The following ZNF469 variants were observed in gnomAD, a reference collection of about 807,000 sequenced individuals.
The protein encoded by ZNF469 is zinc finger protein 469.
A neutral mutation model predicts 1.0 loss-of-function variants in ZNF469; 1 was observed. That is an observed-to-expected ratio of 1.00 (90% CI 0.35 to 4.73). The LOEUF (loss-of-function observed/expected upper bound fraction) is 4.73, where lower values mean the gene tolerates loss of function less well. Among genes scored for constraint, ZNF469 ranks in the 30% most tolerant of loss-of-function variants. The probability of loss-of-function intolerance (pLI) is 0.16; values close to 1 mark genes in which losing one functional copy is unlikely to be tolerated. For synonymous variants in ZNF469, 2,703 were observed against 2,363.4 expected, an observed-to-expected ratio of 1.14 and a Z score of -4.17; for missense variants, 6,100 against 5,356.3, an observed-to-expected ratio of 1.14 and a Z score of -4.33.
chr16:88,236,313 G>A, the ZNF469 span, among the ~76,000 whole-genome samples: 19 of 152,240 alleles, frequency 1.2e-4, no homozygotes, highest in Non-Finnish European at 8.8e-5. Flanking sequence ...TCCAGGACCT[G>A]CTCCCTGTCA....
At chr16:88,417,974 T>TGGG (rs1905349689) in intron 1 of ZNF469, among the ~76,000 whole-genome samples, 2 of 152,184 alleles carry the variant, frequency 1.3e-5, no homozygotes, top group South Asian at 4.1e-4. Flanking sequence ...ACGTGTGTGC[T>TGGG]CACAGGGAAG....
At chr16:88,227,887 C>T in the ZNF469 span, among the ~76,000 whole-genome samples, 5 of 152,054 alleles carry the variant, frequency 3.3e-5, no homozygotes, top group East Asian at 5.8e-4. Flanking sequence ...CGCCAGGCTC[C>T]GCCTCCATTA....
At chr16:88,277,268 G>A in the ZNF469 span, among the ~76,000 whole-genome samples, 5 of 147,244 alleles carry the variant, frequency 3.4e-5, no homozygotes, top group Non-Finnish European at 7.5e-5. Context: ...TCAGTGCATG[G>A]TTAGTGCTGC....
rs938280286 is a variant in ZNF469 at position 88,433,534 on chromosome 16, C to T, written c.6064C>T (p.Pro2022Ser). ...CAACCACGCCTCAGTCAATGCCAGT[C>T]CCAAAACAGCGCTGACCGGCCCCAC... ...TDNHASVNAS[P>S]KTALTGPTEG... Residue 2022 changes from proline to serine, a missense_variant, in exon 3 of 3, where the codon CCC becomes TCC. Transcript: ENST00000565624. 3 of 1,550,046 alleles carry T rather than the reference C, an allele frequency of 1.9e-6. No homozygotes were observed. The highest frequency in any genetic ancestry group is 2.7e-5 in the African/African-American group (2 of 73,012).
chr16:88,150,653 C>T, the ZNF469 span, among the ~76,000 whole-genome samples: 1 of 151,030 alleles, frequency 6.6e-6, no homozygotes, highest in Non-Finnish European at 1.5e-5. Context: ...CGGTGAAAAT[C>T]CTGCCGGCCT....
chr16:88,435,518 G>C lies in ZNF469; in HGVS notation c.8048G>C (p.Gly2683Ala), dbSNP rs912981227. ...ASPSHCLSVE[G>A]GPEADGEQPP... ...CCGAGCCACTGCCTCTCTGTGGAAG[G>C]AGGGCCTGAGGCTGACGGGGAGCAG... is the stretch of plus-strand genomic sequence containing the variant. Residue 2683 changes from glycine to alanine, a missense_variant, in exon 3 of 3, where the codon GGA (glycine) becomes GCA (alanine). Transcript: ENST00000565624. 3 of 1,549,334 alleles carry C rather than the reference G, an allele frequency of 1.9e-6. No individual in the cohort carries two copies. The highest frequency in any genetic ancestry group is 2.7e-5 in the African/African-American group (2 of 73,064).
At chr16:88,207,656 C>A in the ZNF469 span, among the ~76,000 whole-genome samples, 2 of 151,098 alleles carry the variant, frequency 1.3e-5, no homozygotes, top group Non-Finnish European at 3.0e-5. Flanking sequence ...GTCGACGGGG[C>A]CGCCCTGCAC....
At chr16:88,347,801 C>T in the ZNF469 span, among the ~76,000 whole-genome samples, 3 of 152,346 alleles carry the variant, frequency 2.0e-5, no homozygotes, top group South Asian at 6.2e-4. Context: ...ACGCCCAGCA[C>T]CCACCCGCCT....
At chr16:88,195,595 T>C in the ZNF469 span, among the ~76,000 whole-genome samples, 235 of 152,302 alleles carry the variant, frequency 1.5e-3, 1 homozygote, top group African/African-American at 5.4e-3. Flanking sequence ...TGAGAGTCTC[T>C]CTGTCATATC....
At position 88,434,030 on chromosome 16, in the gene ZNF469, C is replaced by G. The variant is rs945955812; in HGVS notation, c.6560C>G (p.Thr2187Ser). ...GATGGCGTCCAAGCCACGACAGATA[C>G]TGGGGCTGAGGATTCCCCGGTGGCT... ...EADGVQATTD[T>S]GAEDSPVAPP... The change falls in exon 3 of 3, where the codon ACT (threonine) becomes AGT (serine). Residue 2187 changes from threonine (T) to serine (S), a missense_variant. By Grantham distance (58) the Thr-to-Ser change is moderately conservative (BLOSUM62 1). Coordinates refer to ENST00000565624, the MANE Select transcript of ZNF469 (RefSeq NM_001367624.2). 1.9e-6 allele frequency: 3 copies of G among 1,550,300 alleles called. No individual in the cohort carries two copies. Among genetic ancestry groups the G allele is most frequent in the Non-Finnish European group, 2.6e-6 (3 of 1,146,884 alleles).
Position 88,438,403 on chromosome 16 carries a change from C to G in ZNF469, c.10933C>G (p.Gln3645Glu). 2 of 1,550,138 alleles carry G rather than the reference C, an allele frequency of 1.3e-6. No individual in the cohort carries two copies. The highest frequency in any genetic ancestry group is 1.7e-6 in the Non-Finnish European group (2 of 1,146,960). Residue 3645 changes from glutamine (Q) to glutamate (E), a missense_variant, in exon 3 of 3, where the codon CAG becomes GAG. Physicochemically the swap from Gln to Glu is conservative, Grantham distance 29 (BLOSUM62 2). Coordinates refer to ENST00000565624, the MANE Select transcript of ZNF469 (RefSeq NM_001367624.2). ...PDHFQEDHLL[Q>E]KEKEVSSSHM... The stretch of plus-strand genomic sequence containing the variant: ...CCATTTCCAGGAAGACCACCTACTT[C>G]AGAAAGAGAAGGAGGTGTCCTCAAG...
At chr16:88,121,122 G>A in the ZNF469 span, among the ~76,000 whole-genome samples, 4 of 146,514 alleles carry the variant, frequency 2.7e-5, no homozygotes, top group Non-Finnish European at 4.6e-5. Flanking sequence ...ATGGGGGGTC[G>A]GGAGGGGGGC....
the ZNF469 span, among the ~76,000 whole-genome samples, chr16:88,175,272 A>G: frequency 6.6e-6 from 1 of 152,244 alleles, no homozygotes; most frequent in Non-Finnish European, 1.5e-5. Context: ...GAAAGTCATC[A>G]GAGCCCTCTC....
chr16:88,327,957 G>A, the ZNF469 span, among the ~76,000 whole-genome samples: 36 of 152,240 alleles, frequency 2.4e-4, no homozygotes, highest in African/African-American at 8.7e-4. Flanking sequence ...CATCACGGCT[G>A]CACACCCACC....
At chr16:88,182,426 A>G in the ZNF469 span, among the ~76,000 whole-genome samples, 2 of 152,098 alleles carry the variant, frequency 1.3e-5, no homozygotes, top group Non-Finnish European at 2.9e-5. Context: ...AACTCACACA[A>G]CTTTGAAAGA....
the ZNF469 span, among the ~76,000 whole-genome samples, chr16:88,363,131 C>A: frequency 1.3e-5 from 2 of 152,138 alleles, no homozygotes; most frequent in African/African-American, 4.8e-5. Context: ...CCTTTACAAC[C>A]TTGAGCCTAG....
At chr16:88,339,203 A>G in the ZNF469 span, among the ~76,000 whole-genome samples, 1 of 97,738 alleles carries the variant, frequency 1.0e-5, no homozygotes, top group Non-Finnish European at 2.0e-5. Flanking sequence ...ATGTGGGGAC[A>G]GGATGGCAGG....
the ZNF469 span, among the ~76,000 whole-genome samples, chr16:88,130,447 C>G: frequency 1.3e-5 from 2 of 152,184 alleles, no homozygotes; most frequent in East Asian, 3.9e-4. Flanking sequence ...TTCACCGGCA[C>G]CAGGTTACAA....
the ZNF469 span, among the ~76,000 whole-genome samples, chr16:88,133,200 G>A: frequency 1.3e-5 from 2 of 152,266 alleles, no homozygotes; most frequent in Admixed American, 1.3e-4. Context: ...ACAGGGCCCT[G>A]CCAGGGCTCC....
Sources: gnomAD v4.1 joint callset for allele counts (sites outside exome capture counted in the v4.1 genomes callset) on GRCh38, gnomAD v4.1.1 for gene constraint, MANE v1.5 for transcripts, NCBI Gene and HGNC (gene_info 2026-07-23, HGNC 2026-07-21) for gene names.